The following GXYLT2 variants were observed in gnomAD, a reference collection of about 807,000 sequenced individuals.
GXYLT2 encodes glycosyltransferase 8 domain containing 4.
Under a neutral mutation model 45.8 loss-of-function variants are expected in GXYLT2, and 53 were observed. That is an observed-to-expected ratio of 1.16 (90% CI 0.93 to 1.46). The LOEUF (loss-of-function observed/expected upper bound fraction) is 1.46, where lower values mean the gene tolerates loss of function less well. Ranked by LOEUF, GXYLT2 falls within the 40% of genes most tolerant of loss-of-function variation. The probability of loss-of-function intolerance (pLI) is 0.00; values close to 1 mark genes in which losing one functional copy is unlikely to be tolerated. For synonymous variants in GXYLT2, 219 were observed against 214.2 expected (o/e 1.02, Z -0.19); for missense variants, 551 against 544.4 (o/e 1.01, Z -0.12).
At chr3:72,954,987 C>G (rs551792824) in intron 3 of GXYLT2, 111 bp from the exon 4 acceptor site, 1 of 1,098,880 alleles carries the variant, frequency 9.1e-7, no homozygotes, top group African/African-American at 1.6e-5. Context: ...TACGAATCAA[C>G]AAAAGTTGGT....
At chr3:72,966,470 T>TTC (rs1330078064) in intron 5 of GXYLT2, among the ~76,000 whole-genome samples, 1 of 145,862 alleles carries the variant, frequency 6.9e-6, no homozygotes, top group African/African-American at 2.5e-5. Context: ...TTTTTTTTTT[T>TTC]TTTTTTTTTG....
At chr3:72,897,008 T>G (rs1213471274) in intron 1 of GXYLT2, among the ~76,000 whole-genome samples, 1 of 152,172 alleles carries the variant, frequency 6.6e-6, no homozygotes, top group African/African-American at 2.4e-5. Flanking sequence ...TTGATGAATG[T>G]CATGTTAATA....
At chr3:72,895,089 T>C (rs1426901829) in intron 1 of GXYLT2, among the ~76,000 whole-genome samples, 1 of 152,170 alleles carries the variant, frequency 6.6e-6, no homozygotes, top group Non-Finnish European at 1.5e-5. Context: ...GGGCAAACTG[T>C]TTCTAGTGGC....
intron 2 of GXYLT2, among the ~76,000 whole-genome samples, chr3:72,919,905 A>G (rs933239605): frequency 2.6e-5 from 4 of 152,134 alleles, no homozygotes; most frequent in African/African-American, 7.2e-5. Context: ...AGTGTACAAC[A>G]GAAAGAATTA....
At chr3:72,889,983 G>A (rs905484767) in intron 1 of GXYLT2, among the ~76,000 whole-genome samples, 1 of 144,358 alleles carries the variant, frequency 6.9e-6, no homozygotes, top group Non-Finnish European at 1.5e-5. Flanking sequence ...TCTGCTCACT[G>A]CAACCGCTGC....
At chr3:72,917,481 A>G (rs985176052) in intron 2 of GXYLT2, among the ~76,000 whole-genome samples, 1 of 152,110 alleles carries the variant, frequency 6.6e-6, no homozygotes, top group African/African-American at 2.4e-5. Flanking sequence ...TCAAATGTCA[A>G]ATACTTTGTC....
intron 3 of GXYLT2, among the ~76,000 whole-genome samples, chr3:72,951,826 T>G (rs889573933): frequency 1.3e-5 from 2 of 152,030 alleles, no homozygotes; most frequent in Non-Finnish European, 2.9e-5. Context: ...GTTTATTTTT[T>G]TGTTTTTTTG....
rs35108267 is a variant in GXYLT2, at chr3:72,912,013, A to ATTT, written c.468+3467_468+3469dup. Among the ~76,000 whole-genome samples the ATTT allele has an allele frequency of 1.1e-3, 122 of 114,884 alleles. 1 individual carries two copies. Among genetic ancestry groups the ATTT allele is most frequent in the African/African-American group, 3.7e-3 (93 of 25,156 alleles). The allele number at this position is 114,884 out of a possible 152,430, so 75.4% of individuals were successfully genotyped here. ...TGTGTGTATATATATATATATATATATTTTTTTTTTTTTTTGAGACAGCGT... is the reference window on the plus strand; with the variant it reads ...TGTGTGTATATATATATATATATATATTTTTTTTTTTTTTTTTTGAGACAGCGT... On this transcript the variant is annotated intron_variant, in intron 2 of 6. Coordinates refer to ENST00000389617, the MANE Select transcript of GXYLT2 (RefSeq NM_001080393.2).
At chr3:72,951,690 T>C (rs1263610612) in intron 3 of GXYLT2, among the ~76,000 whole-genome samples, 1 of 152,214 alleles carries the variant, frequency 6.6e-6, no homozygotes, top group Non-Finnish European at 1.5e-5. Flanking sequence ...TGAAATATGA[T>C]CTACATACCA....
chr3:72,941,122 T>G (rs1559742451), intron 3 of GXYLT2, among the ~76,000 whole-genome samples: 3 of 152,182 alleles, frequency 2.0e-5, no homozygotes, highest in African/African-American at 7.2e-5. Flanking sequence ...GGTATAGGCC[T>G]CTTTCTGACC....
intron 3 of GXYLT2, among the ~76,000 whole-genome samples, chr3:72,949,900 G>A (rs561809498): frequency 3.3e-5 from 5 of 152,246 alleles, no homozygotes; most frequent in Non-Finnish European, 7.3e-5. Flanking sequence ...AGAGTGGGAT[G>A]AGAATAAGAT....
intron 4 of GXYLT2, among the ~76,000 whole-genome samples, 165 bp from the exon 5 acceptor site, chr3:72,957,064 A>C (rs987961618): frequency 1.3e-5 from 2 of 148,424 alleles, no homozygotes; most frequent in Admixed American, 6.8e-5. Context: ...CGATACAATC[A>C]ACAGCCCAAA....
chr3:72,910,149 A>G (rs1709590318), intron 2 of GXYLT2, among the ~76,000 whole-genome samples: 1 of 152,140 alleles, frequency 6.6e-6, no homozygotes, highest in African/African-American at 2.4e-5. Context: ...AATATATAGC[A>G]TTTGTTAAGG....
chr3:72,930,446 G>A (rs1575796587), intron 3 of GXYLT2, among the ~76,000 whole-genome samples: 1 of 150,654 alleles, frequency 6.6e-6, no homozygotes, highest in Admixed American at 6.6e-5. Context: ...AGATTGCAGT[G>A]AGCCAAGATC....
chr3:72,906,648 G>A (rs1369642367), intron 1 of GXYLT2, among the ~76,000 whole-genome samples: 1 of 152,114 alleles, frequency 6.6e-6, no homozygotes, highest in Non-Finnish European at 1.5e-5. Context: ...ACAGTACTTA[G>A]TAAAGATTTG....
intron 1 of GXYLT2, among the ~76,000 whole-genome samples, chr3:72,902,884 G>C (rs1012450187): frequency 3.9e-5 from 6 of 152,162 alleles, no homozygotes; most frequent in Admixed American, 6.5e-5. Flanking sequence ...GTGGTGGTGG[G>C]CACCTGTAAT....
In GXYLT2 at chr3:72,915,832, C is replaced by CA. The variant is rs1194222420; in HGVS notation, c.469-6359dup. Among the ~76,000 whole-genome samples, 352 of 124,964 alleles carry CA rather than the reference C, an allele frequency of 2.8e-3. 2 individuals are homozygous for CA. Among genetic ancestry groups the CA allele is most frequent in the Admixed American group, 7.3e-3 (90 of 12,346 alleles). 82.0% of individuals were successfully genotyped at this position (124,964 alleles called of 152,430 possible). ...TGGGTGACAGAGGGAGACCCTGTCT[C>CA]AAAAAAAAAAAAAGAGAGATTGGGT... On this transcript the variant is annotated intron_variant, in intron 2 of 6. Coordinates refer to ENST00000389617, the MANE Select transcript of GXYLT2 (RefSeq NM_001080393.2).
chr3:72,912,725 A>G (rs1442310524), intron 2 of GXYLT2, among the ~76,000 whole-genome samples: 2 of 152,228 alleles, frequency 1.3e-5, no homozygotes, highest in Non-Finnish European at 2.9e-5. Context: ...ATAAGCTTTC[A>G]GAAGATTCCA....
chr3:72,911,993 G>GTATATATATATATA (rs1288910128), intron 2 of GXYLT2, among the ~76,000 whole-genome samples: 4 of 122,938 alleles, frequency 3.3e-5, no homozygotes, highest in African/African-American at 1.2e-4. Flanking sequence ...GTGTGTGTGT[G>GTATATATATATATA]TATATATATA....
Sources: gnomAD v4.1 joint callset for allele counts (sites outside exome capture counted in the v4.1 genomes callset) on GRCh38, gnomAD v4.1.1 for gene constraint, MANE v1.5 for transcripts, NCBI Gene and HGNC (gene_info 2026-07-23, HGNC 2026-07-21) for gene names.